NOP58: variants seen among roughly 807,000 people sequenced by gnomAD.
NOP58 encodes the protein nucleolar protein 58.
A neutral mutation model predicts 71.2 loss-of-function variants in NOP58; 44 were observed. The ratio of observed to expected loss-of-function variants is 0.62; its 90% confidence interval spans 0.49 to 0.79. The LOEUF (loss-of-function observed/expected upper bound fraction) is 0.79, where lower values mean the gene tolerates loss of function less well. Ranked by LOEUF, NOP58 falls within the 30% of genes least tolerant of loss-of-function variation. The pLI is 0.00. For synonymous variants in NOP58, 228 were observed against 200.3 expected, an observed-to-expected ratio of 1.14 and a Z score of -1.17; for missense variants, 538 against 620.2, an observed-to-expected ratio of 0.87 and a Z score of 1.41.
rs1688761164 is a variant in NOP58 at position 202,284,670 on chromosome 2, A to G, written c.434+189A>G. 3 of 558,428 alleles carry G rather than the reference A, an allele frequency of 5.4e-6. No homozygotes were observed. In the South Asian group the frequency reaches 9.1e-5, roughly 17 times the overall value. The allele number at this position is 558,428 out of a possible 1,614,324, so 34.6% of individuals were successfully genotyped here. A position where few individuals can be genotyped will look rare whatever the true frequency, so the allele number is the denominator to read the frequency against. ...AATACAGCTGGTAAGTGGTAAAGCC[A>G]GGATTTGAACCCAGGCAGTCTGGCT... On this transcript the variant is annotated intron_variant, in intron 5 of 14. Coordinates refer to ENST00000264279, the MANE Select transcript of NOP58 (RefSeq NM_015934.5).
chr2:202,294,833 G>T (rs575032197), intron 9 of NOP58, among the ~76,000 whole-genome samples: 1 of 152,122 alleles, frequency 6.6e-6, no homozygotes, highest in South Asian at 2.1e-4. Flanking sequence ...TGGGTGTAGT[G>T]GTGGGTGCCT....
chr2:202,287,188 G>C lies in NOP58; in HGVS notation c.435-472G>C, dbSNP rs1384917064. On this transcript the variant is annotated intron_variant, in intron 5 of 14. Transcript: ENST00000264279. ...CGGTTCAAGCGATTCTCCTGCCTCA[G>C]CCTCCAGAGTAGCTGAGATTCAGGC... Among the ~76,000 whole-genome samples the C allele has an allele frequency of 4.0e-5, 6 of 150,160 alleles. No homozygotes were observed. In the Admixed American group the frequency reaches 4.1e-4, roughly 10 times the overall value.
intron 14 of NOP58, 56 bp from the exon 15 acceptor site, chr2:202,303,330 A>T: frequency 6.3e-7 from 1 of 1,596,992 alleles, no homozygotes. Flanking sequence ...TTTCAATGTG[A>T]TTACTCACCC....
rs1335966995 is a variant in NOP58, at chr2:202,266,423, C to A, written c.45+437C>A. 3.3e-5 allele frequency among the ~76,000 whole-genome samples: 5 copies of A among 152,072 alleles called. No homozygotes were observed. The East Asian group carries it at 9.6e-4, about 29-fold the overall frequency. ...AAGCGATTCTCCTGCCTTGGCCTCC[C>A]GAGTAGCTGGGATTACAGGCCTCCA... On this transcript the variant is annotated intron_variant, in intron 1 of 14. Transcript: ENST00000264279.
At position 202,275,017 on chromosome 2, in the gene NOP58, A is replaced by G. The variant is rs76244741; in HGVS notation, c.46-96A>G. 2.3e-5 allele frequency: 13 copies of G among 571,716 alleles called. 1 individual carries two copies. In the East Asian group the frequency reaches 3.6e-4, roughly 16 times the overall value. 35.4% of individuals were successfully genotyped at this position (571,716 alleles called of 1,614,324 possible). Reference sequence around the variant, plus strand: ...TCTTAGTGAAAGAAATAGCTTCTACACCTTCATTTTACATGTAAAATTGTA... The same window carrying G: ...TCTTAGTGAAAGAAATAGCTTCTACGCCTTCATTTTACATGTAAAATTGTA... On this transcript the variant is annotated intron_variant, in intron 1 of 14. Coordinates refer to ENST00000264279, the MANE Select transcript of NOP58 (RefSeq NM_015934.5).
intron 6 of NOP58, 93 bp from the exon 7 acceptor site, chr2:202,290,230 G>A (rs1474001): frequency 0.11 from 117,879 of 1,030,830 alleles, 7,561 homozygotes; most frequent in South Asian, 0.23. Flanking sequence ...ATGAGCCACC[G>A]TGCCCAGCCT....
chr2:202,299,528 T>C (rs974591422), intron 12 of NOP58, among the ~76,000 whole-genome samples: 2 of 152,192 alleles, frequency 1.3e-5, no homozygotes, highest in African/African-American at 4.8e-5. Context: ...TAAATGTCTT[T>C]AACCTAAAAA....
At chr2:202,293,713 G>A (rs1356578942) in intron 9 of NOP58, among the ~76,000 whole-genome samples, 1 of 152,086 alleles carries the variant, frequency 6.6e-6, no homozygotes, top group Non-Finnish European at 1.5e-5. Context: ...TGGGATTACA[G>A]GCATGTGCTG....
At chr2:202,284,544 G>A (rs1466623384) in intron 5 of NOP58, 63 bp downstream of exon 5, 3 of 1,519,890 alleles carry the variant, frequency 2.0e-6, no homozygotes, top group Admixed American at 1.9e-5. Context: ...ACATAGATCT[G>A]TTCTAAGAAT....
chr2:202,292,224 C>T (rs1458637966), intron 8 of NOP58, among the ~76,000 whole-genome samples: 4 of 150,820 alleles, frequency 2.7e-5, no homozygotes, highest in Non-Finnish European at 4.4e-5. Context: ...GAACTCCTGA[C>T]CTCATGATCC....
At chr2:202,292,464 C>T (rs184195744) in intron 8 of NOP58, among the ~76,000 whole-genome samples, 3 of 152,006 alleles carry the variant, frequency 2.0e-5, no homozygotes, top group African/African-American at 7.2e-5. Context: ...TGGTGAAACC[C>T]TGTCTCTACT....
rs981251544 is a variant in NOP58, at chr2:202,266,070, CAG to C, written c.45+87_45+88del. On this transcript the variant is annotated intron_variant, in intron 1 of 14. Coordinates refer to ENST00000264279, the MANE Select transcript of NOP58 (RefSeq NM_015934.5). ...GGAAAGACTTAAGCACGGAACTACT[CAG>C]AGTAGCGTGGGTGCCTGTTATAGCC... 5.4e-6 allele frequency: 8 copies of C among 1,494,382 alleles called. 1 individual carries two copies. In the South Asian group the frequency reaches 7.9e-5, roughly 15 times the overall value. The allele number at this position is 1,494,382 out of a possible 1,614,324, so 92.6% of individuals were successfully genotyped here.
chr2:202,290,603 T>C (rs1311159349), intron 7 of NOP58, 146 bp downstream of exon 7: 1 of 678,784 alleles, frequency 1.5e-6, no homozygotes, highest in Admixed American at 3.0e-5. Flanking sequence ...TTTAGTGTCT[T>C]AAATTTAAGA....
chr2:202,272,746 A>G (rs1688530753), intron 1 of NOP58, among the ~76,000 whole-genome samples: 1 of 152,236 alleles, frequency 6.6e-6, no homozygotes, highest in Non-Finnish European at 1.5e-5. Context: ...TGTATCAAAT[A>G]GGGGATATGA....
rs543653195 is a variant in NOP58 at position 202,284,169 on chromosome 2, A to G, written c.298-176A>G. ...GGTGGCTCATGCCTGCAATAATCCC[A>G]GGCCGAGACAGGAGAATCTCTTGAA... On this transcript the variant is annotated intron_variant, in intron 4 of 14. Coordinates refer to ENST00000264279, the MANE Select transcript of NOP58 (RefSeq NM_015934.5). 4.6e-5 allele frequency among the ~76,000 whole-genome samples: 7 copies of G among 152,196 alleles called. No individual in the cohort carries two copies. In the South Asian group the frequency reaches 1.4e-3, roughly 32 times the overall value.
intron 4 of NOP58, among the ~76,000 whole-genome samples, chr2:202,284,096 A>G (rs1421054481): frequency 6.6e-6 from 1 of 151,964 alleles, no homozygotes; most frequent in Admixed American, 6.6e-5. Context: ...AGCCTGTACA[A>G]CATGGTGAAA....
intron 13 of NOP58, 127 bp downstream of exon 13, chr2:202,300,494 T>G: frequency 1.5e-6 from 1 of 685,930 alleles, no homozygotes; most frequent in Non-Finnish European, 2.4e-6. Flanking sequence ...TAATGGTGTT[T>G]TAATAATGCC....
rs746658877 is a variant in NOP58 at position 202,273,241 on chromosome 2, CTA to C, written c.46-1870_46-1869del. Among the ~76,000 whole-genome samples the C allele has an allele frequency of 1.1e-3, 175 of 152,330 alleles. 1 individual carries two copies. The highest frequency in any genetic ancestry group is 4.0e-3 in the African/African-American group (165 of 41,586). On this transcript the variant is annotated intron_variant, in intron 1 of 14. Transcript: ENST00000264279. ...ATGAGCACACAAAGGTCTTCAAAGA[CTA>C]TGTTATGTCAGCCAAAACCATTACT...
At chr2:202,284,303 C>CTT in intron 4 of NOP58, 42 bp from the exon 5 acceptor site, 70 of 1,191,114 alleles carry the variant, frequency 5.9e-5, no homozygotes, top group Admixed American at 8.3e-5. Context: ...TCAGGAAAGT[C>CTT]TTTTTTTTTT....
Sources: gnomAD v4.1 joint callset for allele counts (sites outside exome capture counted in the v4.1 genomes callset) on GRCh38, gnomAD v4.1.1 for gene constraint, MANE v1.5 for transcripts, NCBI Gene and HGNC (gene_info 2026-07-23, HGNC 2026-07-21) for gene names.